The following COL22A1 variants were observed in gnomAD, a reference collection of about 807,000 sequenced individuals.
COL22A1 encodes collagen alpha-1(XXII) chain.
Under a neutral mutation model 248.9 loss-of-function variants are expected in COL22A1, and 221 were observed. The observed-to-expected ratio is 0.89, with a 90% CI of 0.80 to 0.99. COL22A1 has a LOEUF of 0.99. Among genes scored for constraint, COL22A1 ranks in the 50% least tolerant of loss-of-function variants. The pLI is 0.00. For synonymous variants in COL22A1, 891 were observed against 793.4 expected (o/e 1.12, Z -2.07); for missense variants, 2,240 against 2,179.0 (o/e 1.03, Z -0.56).
At chr8:138,752,733 T>C (rs1832703534) in intron 21 of COL22A1, among the ~76,000 whole-genome samples, 1 of 152,184 alleles carries the variant, frequency 6.6e-6, no homozygotes, top group African/African-American at 2.4e-5. Flanking sequence ...ATTTCGAGAA[T>C]GGGATATATT....
intron 9 of COL22A1, among the ~76,000 whole-genome samples, chr8:138,809,152 G>C (rs1459844374): frequency 6.6e-6 from 1 of 152,006 alleles, no homozygotes; most frequent in African/African-American, 2.4e-5. Flanking sequence ...TCCGCTCCAC[G>C]GGGCTATTTT....
At chr8:138,834,443 T>G (rs970122589) in intron 4 of COL22A1, among the ~76,000 whole-genome samples, 4 of 152,074 alleles carry the variant, frequency 2.6e-5, no homozygotes, top group African/African-American at 9.7e-5. Context: ...AAGAGATTAT[T>G]TATTCATTCA....
At chr8:138,913,380 G>C (rs1297060246) in intron 1 of COL22A1, among the ~76,000 whole-genome samples, 1 of 152,094 alleles carries the variant, frequency 6.6e-6, no homozygotes, top group Non-Finnish European at 1.5e-5. Context: ...CGGATTTGCC[G>C]CTATTTTACT....
chr8:138,898,950 T>TA (rs1410967381), intron 1 of COL22A1, among the ~76,000 whole-genome samples: 3 of 152,208 alleles, frequency 2.0e-5, no homozygotes, highest in Non-Finnish European at 2.9e-5. Flanking sequence ...AAAAACCTGA[T>TA]ACGTTGTCAC....
intron 49 of COL22A1, among the ~76,000 whole-genome samples, chr8:138,634,377 C>G (rs781419294): frequency 3.3e-5 from 5 of 152,108 alleles, no homozygotes; most frequent in Non-Finnish European, 7.4e-5. Flanking sequence ...TCCCAGGGGA[C>G]TGGTCCTGGG....
At chr8:138,778,525 G>C in intron 14 of COL22A1, 119 bp from the exon 15 acceptor site, 1 of 838,026 alleles carries the variant, frequency 1.2e-6, no homozygotes, top group Non-Finnish European at 1.8e-6. Context: ...CTCTCACCAA[G>C]TGCTGCCCAT....
At chr8:138,694,429 G>A (rs1827330873) in intron 34 of COL22A1, 79 bp downstream of exon 34, 1 of 1,407,018 alleles carries the variant, frequency 7.1e-7, no homozygotes, top group African/African-American at 1.4e-5. Context: ...AGAGAACTGG[G>A]GAGGGTGGCC....
At chr8:138,737,635 T>C in intron 22 of COL22A1, 58 bp from the exon 23 acceptor site, 2 of 1,152,866 alleles carry the variant, frequency 1.7e-6, no homozygotes, top group South Asian at 2.5e-5. Flanking sequence ...CCAGAGGGGG[T>C]TTAATAATGA....
chr8:138,789,097 G>C lies in COL22A1; in HGVS notation c.1596+7722C>G, dbSNP rs188762307. ...GTATGAAGCCCTTGGTTTTGTGACT[G>C]GTCCATTAGACTTGGCAAGCACCTG... On this transcript the variant is annotated intron_variant, in intron 12 of 64. Transcript: ENST00000303045. 5.8e-3 allele frequency among the ~76,000 whole-genome samples: 883 copies of C among 152,272 alleles called. 11 individuals are homozygous for C. The highest frequency in any genetic ancestry group is 0.02 in the African/African-American group (843 of 41,540).
chr8:138,779,047 A>T (rs920387730), intron 14 of COL22A1, among the ~76,000 whole-genome samples: 1 of 152,272 alleles, frequency 6.6e-6, no homozygotes, highest in South Asian at 2.1e-4. Flanking sequence ...ATAAGGAGAA[A>T]CACACAAATG....
chr8:138,678,862 T>C (rs1825761642), intron 40 of COL22A1, among the ~76,000 whole-genome samples: 1 of 152,202 alleles, frequency 6.6e-6, no homozygotes, highest in Non-Finnish European at 1.5e-5. Flanking sequence ...TAAAAACAAC[T>C]ATATAAGGTT....
intron 11 of COL22A1, among the ~76,000 whole-genome samples, chr8:138,799,108 GT>G (rs1208864495): frequency 6.6e-6 from 1 of 151,970 alleles, no homozygotes. Flanking sequence ...AGCCCCTCTA[GT>G]TTTTTCTATT....
rs188535143 is a variant in COL22A1 at position 138,715,666 on chromosome 8, A to G, written c.2517+16T>C. 35 of 1,602,370 alleles carry G rather than the reference A, an allele frequency of 2.2e-5. No homozygotes were observed. The East Asian group carries it at 7.6e-4, about 35-fold the overall frequency. On this transcript the variant is annotated intron_variant, in intron 30 of 64. Coordinates refer to ENST00000303045, the MANE Select transcript of COL22A1 (RefSeq NM_152888.3). ...AATAATAATTGATGGTCAGAATGAG[A>G]GCAAGTTTCTCCTACCTTTTCACCT...
intron 33 of COL22A1, 23 bp from the exon 34 acceptor site, chr8:138,694,584 G>A: frequency 6.2e-7 from 1 of 1,613,286 alleles, no homozygotes. Flanking sequence ...AAGTTGCCAT[G>A]AACCAGCTCA....
intron 1 of COL22A1, among the ~76,000 whole-genome samples, chr8:138,888,546 C>T (rs762961728): frequency 2.0e-5 from 3 of 152,182 alleles, no homozygotes; most frequent in Non-Finnish European, 4.4e-5. Context: ...GTTCCTACCA[C>T]CTTCAGGGCA....
At chr8:138,868,686 A>G (rs1277464950) in intron 3 of COL22A1, among the ~76,000 whole-genome samples, 1 of 152,080 alleles carries the variant, frequency 6.6e-6, no homozygotes, top group East Asian at 1.9e-4. Context: ...TATTGACTCA[A>G]TAGATCCTCA....
chr8:138,780,723 C>T (rs546897204), intron 13 of COL22A1, among the ~76,000 whole-genome samples: 14 of 152,136 alleles, frequency 9.2e-5, no homozygotes, highest in Non-Finnish European at 1.6e-4. Context: ...GACAGGCAGG[C>T]GATACCCGGG....
At chr8:138,757,141 A>C (rs76475571) in intron 18 of COL22A1, among the ~76,000 whole-genome samples, 7,668 of 152,280 alleles carry the variant, frequency 0.05, 228 homozygotes, top group Non-Finnish European at 0.053. Context: ...AGGACATGAG[A>C]ACATGAAGAT....
At chr8:138,878,403 A>C in intron 2 of COL22A1, 87 bp from the exon 3 acceptor site, 3 of 1,129,576 alleles carry the variant, frequency 2.7e-6, no homozygotes, top group Non-Finnish European at 3.7e-6. Flanking sequence ...GGGGTCACAC[A>C]CACCTGCTCA....
Sources: allele counts gnomAD v4.1 joint callset (sites outside exome capture counted in the v4.1 genomes callset), GRCh38; gene constraint gnomAD v4.1.1; transcripts MANE v1.5; gene names NCBI Gene and HGNC (gene_info 2026-07-23, HGNC 2026-07-21).